The following CAMSAP2 variants were observed in gnomAD, a reference collection of about 807,000 sequenced individuals.
The protein encoded by CAMSAP2 is calmodulin-regulated spectrin-associated protein 2.
Under a neutral mutation model 146.1 loss-of-function variants are expected in CAMSAP2, and 26 were observed. The ratio of observed to expected loss-of-function variants is 0.18; its 90% CI spans 0.13 to 0.25. The LOEUF (loss-of-function observed/expected upper bound fraction) is 0.25. Ranked by LOEUF, CAMSAP2 falls within the 10% of genes least tolerant of loss-of-function variation. The pLI is 1.00. For missense variants in CAMSAP2, 1,381 were observed against 1,759.3 expected (o/e 0.78, Z 3.85); for synonymous variants, 499 against 596.6 (o/e 0.84, Z 2.38).
chr1:200,809,305 C>T (rs980046256), intron 3 of CAMSAP2, among the ~76,000 whole-genome samples: 1 of 152,254 alleles, frequency 6.6e-6, no homozygotes, highest in Admixed American at 6.5e-5. Flanking sequence ...GAATTTCCCC[C>T]TTCACATCAA....
chr1:200,817,183 C>CATACACATAAGTGTGTGTGTAT (rs1370112352), intron 4 of CAMSAP2, among the ~76,000 whole-genome samples: 16 of 66,310 alleles, frequency 2.4e-4, no homozygotes, highest in Non-Finnish European at 2.9e-4. Context: ...TATATACACA[C>CATACACATAAGTGTGTGTGTAT]ACACACATGT....
Position 200,849,276 on chromosome 1 carries a change from A to G in CAMSAP2, c.2507A>G (p.Asp836Gly). 6.2e-7 allele frequency: 1 copy of G among 1,614,028 alleles called. No individual in the cohort carries two copies. The highest frequency in any genetic ancestry group is 8.5e-7 in the Non-Finnish European group (1 of 1,180,028). Reference protein sequence around the residue: ...TDGQRSKSLADIKESMENPQA... With the variant: ...TDGQRSKSLAGIKESMENPQA... ...GGACAAAGGAGCAAGTCACTGGCAG[A>G]TATAAAAGAGAGCATGGAGAATCCT... The change falls in exon 11 of 17, where the codon GAT becomes GGT. Residue 836 changes from aspartate to glycine, a missense_variant. Physicochemically the swap from Asp to Gly is moderately conservative, Grantham distance 94 (BLOSUM62 -1). Transcript: ENST00000358823. The surrounding 1 kb of genome is among the most constrained non-coding windows in gnomAD (Gnocchi z 6.3).
chr1:200,846,100 A>C (rs2102244819), intron 8 of CAMSAP2, among the ~76,000 whole-genome samples: 1 of 152,364 alleles, frequency 6.6e-6, no homozygotes, highest in South Asian at 2.1e-4. Flanking sequence ...ACACATTAAA[A>C]ATACATTTCA....
chr1:200,807,285 TG>T (rs2102143977), intron 2 of CAMSAP2, 90 bp from the exon 3 acceptor site: 2 of 965,210 alleles, frequency 2.1e-6, no homozygotes, highest in East Asian at 5.8e-5. Context: ...TTCTGCTGCT[TG>T]TTAGGAGATG....
chr1:200,744,623 T>C (rs1045727962), intron 1 of CAMSAP2, among the ~76,000 whole-genome samples: 1 of 152,180 alleles, frequency 6.6e-6, no homozygotes, highest in East Asian at 1.9e-4. Flanking sequence ...ATTGGAAATA[T>C]GACATTCAGA....
At chr1:200,819,999 A>C (rs981299999) in intron 4 of CAMSAP2, among the ~76,000 whole-genome samples, 1 of 152,168 alleles carries the variant, frequency 6.6e-6, no homozygotes, top group African/African-American at 2.4e-5. Context: ...AAGAGCTATG[A>C]ATTCATGAGT....
At chr1:200,825,124 A>G (rs890214636) in intron 4 of CAMSAP2, among the ~76,000 whole-genome samples, 1 of 152,136 alleles carries the variant, frequency 6.6e-6, no homozygotes, top group Non-Finnish European at 1.5e-5. Context: ...CTGTGGTTAT[A>G]TTATTCCTTT....
chr1:200,842,867 T>G (rs1293086613), intron 7 of CAMSAP2, among the ~76,000 whole-genome samples: 2 of 151,290 alleles, frequency 1.3e-5, no homozygotes, highest in African/African-American at 4.9e-5. Flanking sequence ...TTCCAGCTAC[T>G]CGGGAGGCTG....
chr1:200,752,648 C>T (rs1202189033), intron 1 of CAMSAP2, among the ~76,000 whole-genome samples: 8 of 149,330 alleles, frequency 5.4e-5, no homozygotes, highest in East Asian at 2.0e-4. Context: ...GATGGAGTCT[C>T]GCTCTGTCGC....
chr1:200,831,801 T>C (rs1373368133), intron 4 of CAMSAP2, among the ~76,000 whole-genome samples: 1 of 152,134 alleles, frequency 6.6e-6, no homozygotes, highest in Admixed American at 6.6e-5. Context: ...TTGAATAGTA[T>C]TCTTGCTCTT....
chr1:200,838,670 A>G (rs148424727), intron 6 of CAMSAP2, among the ~76,000 whole-genome samples: 50 of 152,314 alleles, frequency 3.3e-4, no homozygotes, highest in African/African-American at 1.0e-3. Flanking sequence ...AGAAAAAGGG[A>G]CTGTACCAAG....
chr1:200,749,691 T>G (rs1191093673), intron 1 of CAMSAP2, among the ~76,000 whole-genome samples: 2 of 152,246 alleles, frequency 1.3e-5, no homozygotes, highest in Non-Finnish European at 2.9e-5. Flanking sequence ...GAACATTTCA[T>G]CTACATTTTA....
In CAMSAP2 at chr1:200,816,800, A is replaced by ACG. The variant is rs1279563759; in HGVS notation, c.645+1159_645+1160dup. ...CGTGTATATATGTGTGTACACACAC[A>ACG]CGCGTGTATATATGTGTGTACACAC... On this transcript the variant is annotated intron_variant, in intron 4 of 16. Transcript: ENST00000358823. Among the ~76,000 whole-genome samples the ACG allele has an allele frequency of 6.2e-4, 46 of 73,928 alleles. 5 individuals carry two copies. Among genetic ancestry groups the ACG allele is most frequent in the Admixed American group, 1.0e-3 (7 of 6,954 alleles). 48.5% of individuals were successfully genotyped at this position (73,928 alleles called of 152,430 possible). A position where few individuals can be genotyped will look rare whatever the true frequency, so the allele number is the denominator to read the frequency against.
At chr1:200,850,264 A>C in intron 11 of CAMSAP2, 30 bp downstream of exon 11, 1 of 1,516,380 alleles carries the variant, frequency 6.6e-7, no homozygotes, top group Non-Finnish European at 8.8e-7. Context: ...AGTTTTGGGC[A>C]TCTTCATTAG....
intron 1 of CAMSAP2, among the ~76,000 whole-genome samples, chr1:200,757,730 C>T (rs1047986020): frequency 1.3e-5 from 2 of 151,958 alleles, no homozygotes; most frequent in African/African-American, 4.8e-5. Context: ...TTAAAATGAC[C>T]TATTTTATAT....
chr1:200,804,758 A>C (rs1666129235), intron 2 of CAMSAP2, among the ~76,000 whole-genome samples: 2 of 152,254 alleles, frequency 1.3e-5, no homozygotes, highest in Admixed American at 6.5e-5. Flanking sequence ...ATAGTTGGAC[A>C]GTAGCAGTGT....
intron 2 of CAMSAP2, among the ~76,000 whole-genome samples, chr1:200,766,837 C>T (rs1158848056): frequency 6.6e-6 from 1 of 152,180 alleles, no homozygotes; most frequent in Non-Finnish European, 1.5e-5. Flanking sequence ...TGTTTGAAAT[C>T]TTGGTAATTT....
chr1:200,744,061 C>A (rs1426581190), intron 1 of CAMSAP2, among the ~76,000 whole-genome samples: 1 of 152,134 alleles, frequency 6.6e-6, no homozygotes, highest in Non-Finnish European at 1.5e-5. Context: ...CTCATGACAG[C>A]CTTTTGAGGT....
chr1:200,785,059 G>A (rs759696620), intron 2 of CAMSAP2, among the ~76,000 whole-genome samples: 39 of 152,168 alleles, frequency 2.6e-4, no homozygotes, highest in Non-Finnish European at 5.1e-4. Context: ...GGTGAGTTAC[G>A]TTGATTTCAA....
Sources: allele counts gnomAD v4.1 joint callset (sites outside exome capture counted in the v4.1 genomes callset), GRCh38; gene constraint gnomAD v4.1.1; non-coding constraint Gnocchi (gnomAD v3.1); transcripts MANE v1.5; gene names NCBI Gene and HGNC (gene_info 2026-07-23, HGNC 2026-07-21).